The following ARSG variants were observed in gnomAD, a reference collection of about 807,000 sequenced individuals.
ARSG encodes the protein arylsulfatase G, also known as ASG.
A neutral mutation model predicts 50.5 loss-of-function variants in ARSG; 37 were observed. The ratio of observed to expected loss-of-function variants is 0.73; its 90% CI spans 0.56 to 0.96. The LOEUF (loss-of-function observed/expected upper bound fraction) is 0.96, where lower values mean the gene tolerates loss of function less well. Among genes scored for constraint, ARSG ranks in the 50% least tolerant of loss-of-function variants. The pLI is 0.00. For missense variants in ARSG, 629 were observed against 675.3 expected, an observed-to-expected ratio of 0.93 and a Z score of 0.76; for synonymous variants, 225 against 254.6, an observed-to-expected ratio of 0.88 and a Z score of 1.11.
chr17:68,444,581 C>G, the ARSG span: 2 of 1,613,256 alleles, frequency 1.2e-6, no homozygotes, highest in Admixed American at 3.3e-5. Context: ...CTAGGCAAAC[C>G]AGCAGCCTCT....
At chr17:68,451,413 G>A in the ARSG span, among the ~76,000 whole-genome samples, 2 of 152,126 alleles carry the variant, frequency 1.3e-5, no homozygotes, top group East Asian at 3.9e-4. Context: ...CAGCCTGGGC[G>A]ACAAGCAAGA....
At chr17:68,295,685 T>G (rs1282296849) in intron 1 of ARSG, among the ~76,000 whole-genome samples, 3 of 144,820 alleles carry the variant, frequency 2.1e-5, no homozygotes, top group Non-Finnish European at 4.5e-5. Context: ...TTTTTTTTTT[T>G]TTTTTTTTTT....
chr17:68,339,548 T>C (rs2078179028), intron 2 of ARSG, among the ~76,000 whole-genome samples: 1 of 152,230 alleles, frequency 6.6e-6, no homozygotes, highest in Admixed American at 6.5e-5. Context: ...TGTAGGTTAC[T>C]ACCCACCCCA....
the ARSG span, among the ~76,000 whole-genome samples, chr17:68,429,749 C>T: frequency 2.6e-5 from 4 of 152,036 alleles, no homozygotes; most frequent in Non-Finnish European, 2.9e-5. Flanking sequence ...CCACCATACC[C>T]GGCTAATTTT....
intron 1 of ARSG, among the ~76,000 whole-genome samples, chr17:68,281,245 C>CA (rs566494078): frequency 6.6e-6 from 1 of 151,850 alleles, no homozygotes; most frequent in Admixed American, 6.6e-5. Context: ...ATCTTAACAG[C>CA]AAAAAAACTC....
the ARSG span, among the ~76,000 whole-genome samples, chr17:68,447,187 A>G: frequency 6.6e-6 from 1 of 152,210 alleles, no homozygotes; most frequent in Non-Finnish European, 1.5e-5. Flanking sequence ...CTTCGAGCCA[A>G]TCAGCCTCCA....
chr17:68,330,344 T>C (rs901425434), intron 2 of ARSG, among the ~76,000 whole-genome samples: 1 of 152,172 alleles, frequency 6.6e-6, no homozygotes, highest in Non-Finnish European at 1.5e-5. Flanking sequence ...GGAGACTGTA[T>C]ATTGCTCACC....
intron 1 of ARSG, among the ~76,000 whole-genome samples, chr17:68,284,367 C>T (rs2075794296): frequency 6.6e-6 from 1 of 152,080 alleles, no homozygotes; most frequent in African/African-American, 2.4e-5. Context: ...GCACTCCAGT[C>T]TGGGTGACAG....
the ARSG span, among the ~76,000 whole-genome samples, chr17:68,440,443 T>C: frequency 7.2e-5 from 11 of 152,198 alleles, no homozygotes; most frequent in Non-Finnish European, 1.3e-4. Flanking sequence ...AAAAATATTA[T>C]TGTATAATAT....
At chr17:68,366,869 G>A (rs141587791) in intron 6 of ARSG, among the ~76,000 whole-genome samples, 1 of 152,062 alleles carries the variant, frequency 6.6e-6, no homozygotes, top group Non-Finnish European at 1.5e-5. Context: ...AACTGAAACT[G>A]TACCCATGAA....
At chr17:68,374,144 G>A (rs533066361) in intron 8 of ARSG, among the ~76,000 whole-genome samples, 1 of 132,668 alleles carries the variant, frequency 7.5e-6, no homozygotes, top group Non-Finnish European at 1.6e-5. Flanking sequence ...GTGACAGAGC[G>A]AGACTCTGTC....
chr17:68,428,112 G>T, the ARSG span: 1 of 152,214 alleles, frequency 6.6e-6, no homozygotes, highest in Non-Finnish European at 1.5e-5. Flanking sequence ...TTCTCAGGCT[G>T]GTCTCAAACT....
intron 1 of ARSG, among the ~76,000 whole-genome samples, chr17:68,280,389 A>G (rs557808872): frequency 3.9e-4 from 60 of 152,264 alleles, no homozygotes; most frequent in Non-Finnish European, 7.6e-4. Context: ...ACCTCAAAAT[A>G]TATGACAACA....
chr17:68,445,977 C>T, the ARSG span, among the ~76,000 whole-genome samples: 2 of 152,278 alleles, frequency 1.3e-5, no homozygotes, highest in Admixed American at 6.5e-5. Flanking sequence ...CACTGAGGCT[C>T]AAGAACCACT....
At chr17:68,322,503 G>C (rs1555770897) in intron 2 of ARSG, among the ~76,000 whole-genome samples, 1 of 152,140 alleles carries the variant, frequency 6.6e-6, no homozygotes. Context: ...TGTAGTCCCA[G>C]CTACTCAGGA....
At chr17:68,327,376 T>A (rs1555772843) in intron 2 of ARSG, among the ~76,000 whole-genome samples, 1 of 152,174 alleles carries the variant, frequency 6.6e-6, no homozygotes, top group East Asian at 1.9e-4. Context: ...AAGTTCAAGA[T>A]CAAGGTGTTG....
chr17:68,432,709 C>A, the ARSG span, among the ~76,000 whole-genome samples: 3 of 152,184 alleles, frequency 2.0e-5, no homozygotes, highest in Admixed American at 2.0e-4. Context: ...GTACCAGCAA[C>A]CAACTCCCCA....
At chr17:68,339,337 A>T (rs2078168078) in intron 2 of ARSG, among the ~76,000 whole-genome samples, 3 of 152,186 alleles carry the variant, frequency 2.0e-5, no homozygotes, top group African/African-American at 7.2e-5. Context: ...TTAAAAAAAT[A>T]AAAAAGAGGA....
intron 10 of ARSG, chr17:68,400,448 T>C (rs116027229): frequency 7.7e-4 from 118 of 152,392 alleles, no homozygotes; most frequent in African/African-American, 2.8e-3. Flanking sequence ...GGATGCCTTC[T>C]TTTGTACCAT....
Sources: allele counts gnomAD v4.1 joint callset (sites outside exome capture counted in the v4.1 genomes callset), GRCh38; gene constraint gnomAD v4.1.1; transcripts MANE v1.5; gene names NCBI Gene and HGNC (gene_info 2026-07-23, HGNC 2026-07-21).